The following CSMD1 variants were observed in gnomAD, a reference collection of about 807,000 sequenced individuals.
CSMD1 encodes the protein CUB and Sushi multiple domains 1.
In CSMD1, 213 loss-of-function variants were observed where a neutral mutation model predicts 417.5. That is an observed-to-expected ratio of 0.51 (90% CI 0.46 to 0.57). The LOEUF (loss-of-function observed/expected upper bound fraction) is 0.57, where lower values mean the gene tolerates loss of function less well. Ranked by LOEUF, CSMD1 falls within the 20% of genes least tolerant of loss-of-function variation. The pLI is 0.00. For synonymous variants in CSMD1, 2,862 were observed against 1,736.8 expected, an observed-to-expected ratio of 1.65 and a Z score of -16.11; for missense variants, 6,923 against 4,529.7, an observed-to-expected ratio of 1.53 and a Z score of -15.17.
intron 3 of CSMD1, among the ~76,000 whole-genome samples, chr8:4,167,333 T>A (rs992874665): frequency 1.3e-5 from 2 of 152,154 alleles, no homozygotes; most frequent in East Asian, 3.9e-4. Flanking sequence ...GGTATCTAAG[T>A]AAGACTTTGT....
At chr8:4,765,157 T>A (rs555033726) in intron 1 of CSMD1, among the ~76,000 whole-genome samples, 1 of 152,278 alleles carries the variant, frequency 6.6e-6, no homozygotes, top group South Asian at 2.1e-4. Flanking sequence ...ATATAGCTCG[T>A]GACTTTTTTT....
intron 3 of CSMD1, among the ~76,000 whole-genome samples, chr8:4,057,532 G>A (rs1459798838): frequency 6.6e-6 from 1 of 152,038 alleles, no homozygotes. Context: ...AAGCTCTTTA[G>A]TTTAATTAGA....
chr8:3,865,379 C>G (rs375234533), intron 5 of CSMD1, among the ~76,000 whole-genome samples: 2 of 152,176 alleles, frequency 1.3e-5, no homozygotes, highest in African/African-American at 4.8e-5. Flanking sequence ...CAACTGAACA[C>G]ATTCCCTCAG....
At chr8:2,959,658 G>A (rs886475648) in intron 62 of CSMD1, among the ~76,000 whole-genome samples, 2 of 152,116 alleles carry the variant, frequency 1.3e-5, no homozygotes, top group Non-Finnish European at 2.9e-5. Flanking sequence ...GAGAACGGGA[G>A]GTAGTCATTT....
intron 7 of CSMD1, among the ~76,000 whole-genome samples, chr8:3,623,707 G>T (rs560064086): frequency 6.6e-6 from 1 of 152,144 alleles, no homozygotes; most frequent in Non-Finnish European, 1.5e-5. Context: ...CGGGCGTGGG[G>T]GCTCATGCCT....
At chr8:3,025,620 A>G (rs1563251549) in intron 51 of CSMD1, among the ~76,000 whole-genome samples, 1 of 152,238 alleles carries the variant, frequency 6.6e-6, no homozygotes, top group Non-Finnish European at 1.5e-5. Flanking sequence ...ACCAACCATC[A>G]ATATATTTTA....
At chr8:4,643,693 G>A (rs17070951) in intron 1 of CSMD1, among the ~76,000 whole-genome samples, 2,620 of 152,248 alleles carry the variant, frequency 0.017, 71 homozygotes, top group African/African-American at 0.057. Flanking sequence ...TCAGATAAGC[G>A]CTGTTTGAAA....
At chr8:4,201,885 T>TC (rs1799667231) in intron 3 of CSMD1, among the ~76,000 whole-genome samples, 1 of 30,382 alleles carries the variant, frequency 3.3e-5, no homozygotes, top group South Asian at 2.1e-3. Context: ...ACATGGAAAT[T>TC]TTGGGGGGGG....
intron 3 of CSMD1, among the ~76,000 whole-genome samples, chr8:4,357,775 A>G (rs941931794): frequency 6.6e-6 from 1 of 152,190 alleles, no homozygotes; most frequent in Non-Finnish European, 1.5e-5. Context: ...AATGAAAAGA[A>G]TAAGGAGGAT....
chr8:3,966,094 G>A (rs1165350571), intron 5 of CSMD1, among the ~76,000 whole-genome samples: 1 of 152,148 alleles, frequency 6.6e-6, no homozygotes, highest in African/African-American at 2.4e-5. Context: ...TAGGGACTAC[G>A]AATGTACTTC....
chr8:4,232,935 G>T (rs374248288), intron 3 of CSMD1, among the ~76,000 whole-genome samples: 1 of 152,154 alleles, frequency 6.6e-6, no homozygotes, highest in Non-Finnish European at 1.5e-5. Flanking sequence ...GTTCCAAAAA[G>T]TTTTCTGCAG....
intron 5 of CSMD1, among the ~76,000 whole-genome samples, chr8:3,889,134 A>T (rs1241067354): frequency 1.3e-5 from 2 of 152,012 alleles, no homozygotes; most frequent in African/African-American, 4.8e-5. Context: ...CCAATGATTC[A>T]GATGAAAAAT....
intron 1 of CSMD1, among the ~76,000 whole-genome samples, chr8:4,848,663 T>C (rs1801289219): frequency 6.6e-6 from 1 of 151,792 alleles, no homozygotes; most frequent in South Asian, 2.1e-4. Context: ...GCTCTGCCTC[T>C]CGAGTAGCTG....
chr8:3,878,916 G>A (rs990263197), intron 5 of CSMD1, among the ~76,000 whole-genome samples: 26 of 152,150 alleles, frequency 1.7e-4, no homozygotes, highest in Admixed American at 5.9e-4. Context: ...AAGTCTCAGA[G>A]AATGTACATG....
chr8:3,863,044 C>T (rs990470580), intron 5 of CSMD1, among the ~76,000 whole-genome samples: 1 of 152,152 alleles, frequency 6.6e-6, no homozygotes, highest in African/African-American at 2.4e-5. Flanking sequence ...TCAAAGACGG[C>T]ACCTCCCTGC....
intron 2 of CSMD1, among the ~76,000 whole-genome samples, chr8:4,457,227 T>C (rs117825545): frequency 3.1e-4 from 47 of 152,164 alleles, no homozygotes; most frequent in Non-Finnish European, 5.1e-4. Flanking sequence ...GGAACTCATC[T>C]TTCCCATTCT....
At chr8:4,455,939 A>AAAAAAAAAAAAAAAAAAAAC (rs1799445518) in intron 2 of CSMD1, among the ~76,000 whole-genome samples, 1 of 118,526 alleles carries the variant, frequency 8.4e-6, no homozygotes, top group Non-Finnish European at 1.7e-5. Flanking sequence ...CAAAAAAAAA[A>AAAAAAAAAAAAAAAAAAAAC]AAAAAAAAAA....
At chr8:3,068,565 C>G (rs188296827) in intron 49 of CSMD1, among the ~76,000 whole-genome samples, 1 of 151,852 alleles carries the variant, frequency 6.6e-6, no homozygotes, top group African/African-American at 2.4e-5. Flanking sequence ...TTAGTTGGCT[C>G]ATGTTTCTGC....
At chr8:3,439,281 G>GTGTGTATA (rs1407744154) in intron 12 of CSMD1, among the ~76,000 whole-genome samples, 1 of 54,336 alleles carries the variant, frequency 1.8e-5, no homozygotes, top group African/African-American at 8.4e-5. Flanking sequence ...GGCAATGTCA[G>GTGTGTATA]TATATATATA....
Sources: gnomAD v4.1 joint callset for allele counts (sites outside exome capture counted in the v4.1 genomes callset) on GRCh38, gnomAD v4.1.1 for gene constraint, MANE v1.5 for transcripts, NCBI Gene and HGNC (gene_info 2026-07-23, HGNC 2026-07-21) for gene names.